EMP1: variants seen among roughly 807,000 people sequenced by gnomAD.
EMP1 encodes the protein tumor-associated membrane protein.
EMP1 carries 5 observed loss-of-function variants against 15.7 expected under a neutral mutation model. The observed-to-expected ratio is 0.32, with a 90% CI of 0.17 to 0.67. The LOEUF (loss-of-function observed/expected upper bound fraction) is 0.67. Among genes scored for constraint, EMP1 ranks in the 30% least tolerant of loss-of-function variants. EMP1 has a pLI of 0.74. For missense variants in EMP1, 166 were observed against 194.2 expected (o/e 0.85, Z 0.86); for synonymous variants, 78 against 76.7 (o/e 1.02, Z -0.09).
chr12:13,213,281 G>A (rs1864182923), intron 2 of EMP1, 198 bp from the exon 3 acceptor site: 2 of 601,190 alleles, frequency 3.3e-6, no homozygotes, highest in South Asian at 2.1e-5. Context: ...ATTCTTCTGT[G>A]TCTCTTCTCT....
intron 4 of EMP1, chr12:13,214,318 C>G: frequency 3.1e-6 from 2 of 649,056 alleles, no homozygotes; most frequent in Middle Eastern, 8.4e-4. Flanking sequence ...GCCACACAAA[C>G]CAGTGCAGAC....
At chr12:13,197,937 AG>A (rs1245120469) in intron 1 of EMP1, among the ~76,000 whole-genome samples, 2 of 152,032 alleles carry the variant, frequency 1.3e-5, no homozygotes, top group Non-Finnish European at 2.9e-5. Context: ...CCAGATGTGG[AG>A]GGCGGGGGAG....
Position 13,211,064 on chromosome 12 carries a change from T to G in EMP1, c.-42-405T>G, listed in dbSNP as rs149767126. On this transcript the variant is annotated intron_variant, in intron 1 of 4. Transcript: ENST00000256951. The surrounding 1 kb of genome is among the most constrained non-coding windows in gnomAD (Gnocchi z 4.7). The stretch of plus-strand genomic sequence containing the variant: ...ACATTTTCCTAGTGGAAAATGGACA[T>G]TTATATGACATTGTTCAGAGACCTG... 1.3e-5 allele frequency among the ~76,000 whole-genome samples: 2 copies of G among 152,330 alleles called. No homozygotes were observed. The highest frequency in any genetic ancestry group is 4.8e-5 in the African/African-American group (2 of 41,582).
intron 1 of EMP1, among the ~76,000 whole-genome samples, chr12:13,198,555 G>T (rs529855836): frequency 6.6e-6 from 1 of 152,342 alleles, no homozygotes; most frequent in Non-Finnish European, 1.5e-5. Context: ...TCCTACATTT[G>T]CTTCACATGT....
In EMP1 at chr12:13,219,140, A is replaced by C. The variant is rs150550315; in HGVS notation, c.*4449A>C. ...AATAGCCTCTCTGCCTTTATCTACAATCTCTCCAACCTGTGCTTTATGCTG... is the reference window on the plus strand; with the variant it reads ...AATAGCCTCTCTGCCTTTATCTACACTCTCTCCAACCTGTGCTTTATGCTG... On this transcript the variant is annotated 3_prime_UTR_variant, in exon 5 of 5. Coordinates refer to ENST00000256951, the MANE Select transcript of EMP1 (RefSeq NM_001423.3). The C allele has an allele frequency of 6.6e-6, 1 of 152,108 alleles. No individual in the cohort carries two copies. Among genetic ancestry groups the C allele is most frequent in the Non-Finnish European group, 1.5e-5 (1 of 68,012 alleles). 9.4% of individuals were successfully genotyped at this position (152,108 alleles called of 1,614,324 possible).
intron 1 of EMP1, among the ~76,000 whole-genome samples, chr12:13,206,198 G>C (rs1864109301): frequency 6.6e-6 from 1 of 152,146 alleles, no homozygotes; most frequent in African/African-American, 2.4e-5. Flanking sequence ...GGAATGAGGG[G>C]AAGGGAAGAT....
chr12:13,213,487 G>T lies in EMP1; in HGVS notation c.87G>T (p.Leu29Phe), dbSNP rs201036652. The T allele has an allele frequency of 6.2e-7, 1 of 1,614,130 alleles. No individual in the cohort carries two copies. The highest frequency in any genetic ancestry group is 8.5e-7 in the Non-Finnish European group (1 of 1,179,994). Residue 29 changes from leucine to phenylalanine, a missense_variant, in exon 3 of 5, where the codon TTG (leucine) becomes TTT (phenylalanine). Leu to Phe is a conservative substitution (Grantham distance 22). Coordinates refer to ENST00000256951, the MANE Select transcript of EMP1 (RefSeq NM_001423.3). ...TTTCCTTCTGGTTTCAGGTCTGGTT[G>T]GTTTCCAATACGGTAGATGCATCAG... Reference protein sequence around the residue: ...LFVSTIANVWLVSNTVDASVG... With the variant: ...LFVSTIANVWFVSNTVDASVG...
At chr12:13,197,394 T>G (rs1565576172) in intron 1 of EMP1, among the ~76,000 whole-genome samples, 1 of 152,256 alleles carries the variant, frequency 6.6e-6, no homozygotes, top group Non-Finnish European at 1.5e-5. Context: ...TTGCTTTTCC[T>G]GCCTGTTTGC....
At position 13,219,260 on chromosome 12, in the gene EMP1, C is replaced by G. The variant is rs1864239432; in HGVS notation, c.*4569C>G. The G allele has an allele frequency of 6.6e-6, 1 of 152,214 alleles. No homozygotes were observed. The highest frequency in any genetic ancestry group is 2.1e-4 in the South Asian group (1 of 4,822). 9.4% of individuals were successfully genotyped at this position (152,214 alleles called of 1,614,324 possible). ...GATGTCAATATGTCTATCCATATGT[C>G]AGGTCCATACTCAACTCAAGCTTCT... On this transcript the variant is annotated 3_prime_UTR_variant, in exon 5 of 5. Coordinates refer to ENST00000256951, the MANE Select transcript of EMP1 (RefSeq NM_001423.3).
chr12:13,216,443 G>A lies in EMP1; in HGVS notation c.*1752G>A, dbSNP rs1334587445. ...GATTGGCCAGCAAAAACTGTGGGAA[G>A]ATGAACTTTGTCATTATGATTTCAT... On this transcript the variant is annotated 3_prime_UTR_variant, in exon 5 of 5. Transcript: ENST00000256951. 1.4e-6 allele frequency: 1 copy of A among 702,490 alleles called. No individual in the cohort carries two copies. Among genetic ancestry groups the A allele is most frequent in the Non-Finnish European group, 2.6e-6 (1 of 384,780 alleles). The allele number at this position is 702,490 out of a possible 1,614,324, so 43.5% of individuals were successfully genotyped here. A position where few individuals can be genotyped will look rare whatever the true frequency, so the allele number is the denominator to read the frequency against.
At chr12:13,209,696 T>C (rs1371405998) in intron 1 of EMP1, 2 of 152,166 alleles carry the variant, frequency 1.3e-5, no homozygotes, top group Non-Finnish European at 1.5e-5. Context: ...AGGAAACAGA[T>C]GAGCGGTCAA....
rs185269903 is a variant in EMP1, at chr12:13,205,677, A to G, written c.-42-5792A>G. ...GGCAAGACTCTCCCTTCAGGGACTT[A>G]AAATCTTAGGGCTGTCATCAGTGGT... On this transcript the variant is annotated intron_variant, in intron 1 of 4. Coordinates refer to ENST00000256951, the MANE Select transcript of EMP1 (RefSeq NM_001423.3). Among the ~76,000 whole-genome samples the G allele has an allele frequency of 1.9e-3, 286 of 152,320 alleles. 2 individuals carry two copies. Among genetic ancestry groups the G allele is most frequent in the African/African-American group, 6.5e-3 (270 of 41,574 alleles).
Position 13,213,815 on chromosome 12 carries a change from G to T in EMP1, c.310G>T (p.Val104Leu). 2 of 1,613,922 alleles carry T rather than the reference G, an allele frequency of 1.2e-6. No homozygotes were observed. The highest frequency in any genetic ancestry group is 8.5e-7 in the Non-Finnish European group (1 of 1,180,032). Residue 104 changes from valine (V) to leucine (L), a missense_variant, in exon 4 of 5, where the codon GTG (valine) becomes TTG (leucine). Transcript: ENST00000256951. ...RFFLSGATTLVCWLCILVGVS... is the reference protein window; with the variant it reads ...RFFLSGATTLLCWLCILVGVS... ...CTTCCTCTCAGGGGCCACCACACTG[G>T]TGTGCTGTGAGTATCTCATGGGTAG...
chr12:13,203,470 A>G lies in EMP1; in HGVS notation c.-43+6598A>G, dbSNP rs75660571. 5.3e-4 allele frequency among the ~76,000 whole-genome samples: 81 copies of G among 152,362 alleles called. No individual in the cohort carries two copies. The East Asian group carries it at 0.015, about 29-fold the overall frequency. On this transcript the variant is annotated intron_variant, in intron 1 of 4. Transcript: ENST00000256951. The stretch of plus-strand genomic sequence containing the variant: ...TGGACACGAAGGAGGACAAGCGGAA[A>G]TAAGAGAGAGAGGTTATTCTTCTTG...
chr12:13,210,838 T>G (rs915374045), intron 1 of EMP1, among the ~76,000 whole-genome samples: 1 of 152,248 alleles, frequency 6.6e-6, no homozygotes, highest in African/African-American at 2.4e-5. Flanking sequence ...GACCAGACCA[T>G]TAAACTGTAA....
chr12:13,218,003 A>G lies in EMP1; in HGVS notation c.*3312A>G, dbSNP rs1864229914. 1 of 152,176 alleles carries G rather than the reference A, an allele frequency of 6.6e-6. No homozygotes were observed. The highest frequency in any genetic ancestry group is 2.1e-4 in the South Asian group (1 of 4,828). 9.4% of individuals were successfully genotyped at this position (152,176 alleles called of 1,614,324 possible). ...TTGTTGAATTAAATGTCTTAGGTAG[A>G]GACAAATTGAATTAAAGTGGTTAAG... On this transcript the variant is annotated 3_prime_UTR_variant, in exon 5 of 5. Transcript: ENST00000256951.
chr12:13,206,852 G>A (rs554541585), intron 1 of EMP1, among the ~76,000 whole-genome samples: 1 of 152,262 alleles, frequency 6.6e-6, no homozygotes, highest in South Asian at 2.1e-4. Flanking sequence ...AACCCTAAAA[G>A]TGTTAGGCTG....
chr12:13,198,724 C>T (rs1467127906), intron 1 of EMP1, among the ~76,000 whole-genome samples: 1 of 152,214 alleles, frequency 6.6e-6, no homozygotes, highest in Non-Finnish European at 1.5e-5. Flanking sequence ...TGTAAACCAT[C>T]ATGAACTGCA....
At chr12:13,198,764 G>A (rs10845712) in intron 1 of EMP1, among the ~76,000 whole-genome samples, 73,094 of 152,038 alleles carry the variant, frequency 0.48, 18,653 homozygotes, top group Middle Eastern at 0.61. Flanking sequence ...ACATGATACT[G>A]TAGGTTTATA....
Sources: allele counts gnomAD v4.1 joint callset (sites outside exome capture counted in the v4.1 genomes callset), GRCh38; gene constraint gnomAD v4.1.1; non-coding constraint Gnocchi (gnomAD v3.1); transcripts MANE v1.5; gene names NCBI Gene and HGNC (gene_info 2026-07-23, HGNC 2026-07-21).